The following APC variants were observed in gnomAD, a reference collection of about 807,000 sequenced individuals.
The protein encoded by APC is APC regulator of Wnt signaling pathway, also known as adenomatous polyposis coli protein.
APC carries 72 observed loss-of-function variants against 247.0 expected under a neutral mutation model. That is an observed-to-expected ratio of 0.29 (90% confidence interval 0.24 to 0.35). The LOEUF (loss-of-function observed/expected upper bound fraction) is 0.35, where lower values mean the gene tolerates loss of function less well. Among genes scored for constraint, APC ranks in the 10% least tolerant of loss-of-function variants. The pLI, the probability that APC is intolerant of heterozygous loss-of-function variation, is 1.00. For synonymous variants in APC, 1,254 were observed against 1,162.5 expected (o/e 1.08, Z -1.60); for missense variants, 3,400 against 3,360.7 (o/e 1.01, Z -0.29).
In APC at chr5:112,837,666, A is replaced by G; in HGVS notation, c.2072A>G (p.Asn691Ser). The change falls in exon 16 of 16, where the codon AAT becomes AGT. Residue 691 changes from asparagine (N) to serine (S), a missense_variant. Physicochemically the swap from Asn to Ser is conservative, Grantham distance 46. This residue lies in a region of APC where 184 missense variants were observed against 248.0 expected (regional missense o/e 0.74). Coordinates refer to ENST00000257430, the MANE Select transcript of APC (RefSeq NM_000038.6). The part of the protein sequence containing the change: ...CGTLWNLSAR[N>S]PKDQEALWDM... ...ACTTTGTGGAATCTCTCAGCAAGAA[A>G]TCCTAAAGACCAGGAAGCATTATGG... is the stretch of plus-strand genomic sequence containing the variant. 1 of 1,614,058 alleles carries G rather than the reference A, an allele frequency of 6.2e-7. No individual in the cohort carries two copies. The highest frequency in any genetic ancestry group is 1.1e-5 in the South Asian group (1 of 91,074).
At position 112,842,403 on chromosome 5, in the gene APC, C is replaced by T. The variant is rs878853466; in HGVS notation, c.6809C>T (p.Ser2270Phe). ...AGTGAAGGTCAAACAGCCACCACTT[C>T]TCCTAGAGGAGCCAAGCCATCTGTG... is the stretch of plus-strand genomic sequence containing the variant. ...SPSEGQTATT[S>F]PRGAKPSVKS... is the part of the protein sequence containing the mutation. The change falls in exon 16 of 16, where the codon TCT becomes TTT. Residue 2270 changes from serine to phenylalanine, a missense_variant. Around this residue, in one of 9 missense-constraint regions of APC, gnomAD observed 1,788 missense variants for 1,649.5 expected, o/e 1.08. Transcript: ENST00000257430. 9 of 1,613,910 alleles carry T rather than the reference C, an allele frequency of 5.6e-6. No individual in the cohort carries two copies. The highest frequency in any genetic ancestry group is 7.6e-6 in the Non-Finnish European group (9 of 1,179,922).
At position 112,801,345 on chromosome 5, in the gene APC, G is replaced by A. The variant is rs1760802943; in HGVS notation, c.796G>A (p.Val266Met). ...TGAGCGGCAGAATGAAGGTCAAGGA[G>A]TGGGAGAAATCAACATGGCAACTTC... ...DAERQNEGQG[V>M]GEINMATSGN... is the part of the protein sequence containing the mutation. The change falls in exon 8 of 16, where the codon GTG becomes ATG. Residue 266 changes from valine to methionine, a missense_variant. Physicochemically the swap from Val to Met is conservative, Grantham distance 21. Around this residue, in one of 9 missense-constraint regions of APC, gnomAD observed 372 missense variants for 367.6 expected, o/e 1.01. Transcript: ENST00000257430. The A allele has an allele frequency of 6.2e-7, 1 of 1,612,678 alleles. No homozygotes were observed.
At chr5:112,762,513 T>G (rs1199181668) in intron 2 of APC, among the ~76,000 whole-genome samples, 1 of 152,092 alleles carries the variant, frequency 6.6e-6, no homozygotes, top group Non-Finnish European at 1.5e-5. Flanking sequence ...TATACAACAT[T>G]TAAAAACAAT....
intron 1 of APC, among the ~76,000 whole-genome samples, chr5:112,749,019 C>T (rs1753993587): frequency 6.6e-6 from 1 of 152,094 alleles, no homozygotes; most frequent in Non-Finnish European, 1.5e-5. Context: ...TGACAGTTTC[C>T]CTCCTATTTC....
At chr5:112,731,578 A>T (rs1369552379) in intron 1 of APC, among the ~76,000 whole-genome samples, 2 of 152,162 alleles carry the variant, frequency 1.3e-5, no homozygotes, top group Non-Finnish European at 2.9e-5. Flanking sequence ...TGGGGATTAA[A>T]TTTCCGACAC....
intron 8 of APC, among the ~76,000 whole-genome samples, chr5:112,810,985 A>C (rs1042868627): frequency 6.6e-6 from 1 of 151,912 alleles, no homozygotes; most frequent in Non-Finnish European, 1.5e-5. Context: ...AGATCACGCC[A>C]CTGCACTCCA....
chr5:112,709,250 G>A (rs1264328825), intron 1 of APC, among the ~76,000 whole-genome samples: 1 of 152,194 alleles, frequency 6.6e-6, no homozygotes, highest in Non-Finnish European at 1.5e-5. Context: ...TAGCCTGGCA[G>A]ATTTGTTTAC....
chr5:112,736,023 C>T (rs987650440), upstream of APC, among the ~76,000 whole-genome samples: 2 of 152,222 alleles, frequency 1.3e-5, no homozygotes, highest in East Asian at 3.9e-4. Flanking sequence ...CTTTTGAGGA[C>T]CTTTTAAAAG....
rs2464807 is a variant in APC, at chr5:112,764,898, A to C, written c.136-1428A>C. 1 allele frequency among the ~76,000 whole-genome samples: 151,768 copies of C among 152,288 alleles called. 75,630 individuals are homozygous for C. Among genetic ancestry groups the C allele is most frequent in the Middle Eastern group, 1 (294 of 294 alleles). ...GTAGACATTTTGATGGGCATATTCAAATTCAGTAAAGGAAGTTATCACTGA... is the reference window on the plus strand; with the variant it reads ...GTAGACATTTTGATGGGCATATTCACATTCAGTAAAGGAAGTTATCACTGA... On this transcript the variant is annotated intron_variant, in intron 2 of 15. Transcript: ENST00000257430.
rs193225513 is a variant in APC at position 112,756,013 on chromosome 5, T to C, written c.135+988T>C. Among the ~76,000 whole-genome samples the C allele has an allele frequency of 3.9e-5, 6 of 152,310 alleles. No individual in the cohort carries two copies. The East Asian group carries it at 1.2e-3, about 29-fold the overall frequency. ...CCTGCTTTGTGTTGTTTCTCCCTCT[T>C]GGCTATTTTAACATTTGAGTTCCTG... On this transcript the variant is annotated intron_variant, in intron 2 of 15. Coordinates refer to ENST00000257430, the MANE Select transcript of APC (RefSeq NM_000038.6).
intron 8 of APC, chr5:112,810,013 A>G (rs981424280): frequency 8.2e-6 from 3 of 363,650 alleles, no homozygotes; most frequent in South Asian, 2.2e-5. Context: ...AAAGTAGAAG[A>G]GAGCAATTTT....
At chr5:112,811,474 T>C (rs1761975893) in intron 8 of APC, among the ~76,000 whole-genome samples, 1 of 152,222 alleles carries the variant, frequency 6.6e-6, no homozygotes, top group Admixed American at 6.5e-5. Context: ...AGAAAGACTC[T>C]CATGGACCAA....
chr5:112,743,784 C>T (rs1311118173), intron 1 of APC, among the ~76,000 whole-genome samples: 1 of 150,594 alleles, frequency 6.6e-6, no homozygotes, highest in Non-Finnish European at 1.5e-5. Context: ...GAACTTAGGG[C>T]CACTCTAATC....
At chr5:112,717,922 T>TTTC (rs1751269176) in intron 1 of APC, among the ~76,000 whole-genome samples, 1 of 131,730 alleles carries the variant, frequency 7.6e-6, no homozygotes, top group Admixed American at 8.0e-5. Context: ...TTTTTTTTTT[T>TTTC]TTTTTTTTTT....
At chr5:112,808,667 C>T (rs139136766) in intron 8 of APC, among the ~76,000 whole-genome samples, 1 of 152,132 alleles carries the variant, frequency 6.6e-6, no homozygotes, top group Non-Finnish European at 1.5e-5. Flanking sequence ...GCCTCAGCCT[C>T]CTGAGTTGCT....
At position 112,840,223 on chromosome 5, in the gene APC, A is replaced by G. The variant is rs1765726211; in HGVS notation, c.4629A>G (p.Lys1543=). 6.2e-7 allele frequency: 1 copy of G among 1,614,088 alleles called. No individual in the cohort carries two copies. Among genetic ancestry groups the G allele is most frequent in the Admixed American group, 1.7e-5 (1 of 60,012 alleles). The change falls in exon 16 of 16, where the codon AAA becomes AAG. Residue 1543 remains lysine (K), a synonymous_variant. Coordinates refer to ENST00000257430, the MANE Select transcript of APC (RefSeq NM_000038.6). The surrounding 1 kb of genome is among the most constrained non-coding windows in gnomAD (Gnocchi z 4.1). ...ATGAAACAGAATCAGAGCAGCCTAA[A>G]GAATCAAATGAAAACCAAGAGAAAG... ...NGNETESEQP[K]ESNENQEKEA...
At chr5:112,802,947 A>G (rs545696443) in intron 8 of APC, among the ~76,000 whole-genome samples, 1 of 152,224 alleles carries the variant, frequency 6.6e-6, no homozygotes, top group East Asian at 1.9e-4. Flanking sequence ...AAAAATAAAT[A>G]ATAATTTTAA....
At chr5:112,821,494 A>T (rs1763122456) in intron 10 of APC, among the ~76,000 whole-genome samples, 2 of 150,244 alleles carry the variant, frequency 1.3e-5, no homozygotes, top group Non-Finnish European at 2.9e-5. Context: ...ACAGAGCAAG[A>T]CCCTGTTTTG....
chr5:112,836,775 C>T (rs565755454), intron 15 of APC, among the ~76,000 whole-genome samples: 5 of 150,804 alleles, frequency 3.3e-5, no homozygotes, highest in South Asian at 2.1e-4. Flanking sequence ...GGTGTGATCT[C>T]GGCTCACTGC....
Sources: gnomAD v4.1 joint callset for allele counts (sites outside exome capture counted in the v4.1 genomes callset) on GRCh38, gnomAD v4.1.1 for gene constraint, gnomAD v4.1.1 regional missense constraint, Gnocchi (gnomAD v3.1) non-coding constraint, MANE v1.5 for transcripts, NCBI Gene and HGNC (gene_info 2026-07-23, HGNC 2026-07-21) for gene names.